The following PTPRD variants were observed in gnomAD, a reference collection of about 807,000 sequenced individuals.
The protein encoded by PTPRD is protein tyrosine phosphatase receptor type D.
A neutral mutation model predicts 214.5 loss-of-function variants in PTPRD; 34 were observed. The observed-to-expected ratio is 0.16, with a 90% CI of 0.12 to 0.21. The LOEUF (loss-of-function observed/expected upper bound fraction) is 0.21, where lower values mean the gene tolerates loss of function less well. PTPRD is among the 10% of genes least tolerant of loss of function. The pLI is 1.00. For missense variants in PTPRD, 2,545 were observed against 2,398.7 expected (o/e 1.06, Z -1.27); for synonymous variants, 1,128 against 845.7 (o/e 1.33, Z -5.79).
chr9:10,571,228 T>G (rs2067328192), intron 2 of PTPRD, among the ~76,000 whole-genome samples: 1 of 152,266 alleles, frequency 6.6e-6, no homozygotes, highest in Admixed American at 6.5e-5. Flanking sequence ...CAGATCATAC[T>G]TGGGTTTCAG....
chr9:9,880,054 C>T (rs1407948576), intron 5 of PTPRD, among the ~76,000 whole-genome samples: 1 of 152,102 alleles, frequency 6.6e-6, no homozygotes, highest in African/African-American at 2.4e-5. Flanking sequence ...AGGGGGGGAC[C>T]TATATCCCCA....
chr9:9,012,506 T>C (rs1057186897), intron 11 of PTPRD, among the ~76,000 whole-genome samples: 1 of 152,128 alleles, frequency 6.6e-6, no homozygotes, highest in Non-Finnish European at 1.5e-5. Context: ...AAGGGAGTTA[T>C]GTAGGCAAAT....
chr9:9,050,624 T>C (rs1489909648), intron 10 of PTPRD, among the ~76,000 whole-genome samples: 1 of 152,096 alleles, frequency 6.6e-6, no homozygotes, highest in Non-Finnish European at 1.5e-5. Context: ...CTGAGTAGAG[T>C]GATGAAATCT....
intron 2 of PTPRD, among the ~76,000 whole-genome samples, chr9:10,593,196 A>G (rs748242734): frequency 6.6e-6 from 1 of 151,944 alleles, no homozygotes; most frequent in Admixed American, 6.6e-5. Context: ...CTTAAACCAT[A>G]ATAGAAAACA....
At chr9:10,289,937 G>C (rs1461826390) in intron 3 of PTPRD, among the ~76,000 whole-genome samples, 1 of 151,988 alleles carries the variant, frequency 6.6e-6, no homozygotes, top group Non-Finnish European at 1.5e-5. Flanking sequence ...GGGTAAAAAG[G>C]GTTATAGTTA....
chr9:9,569,337 A>C (rs993446730), intron 8 of PTPRD, among the ~76,000 whole-genome samples: 4 of 151,772 alleles, frequency 2.6e-5, no homozygotes, highest in Non-Finnish European at 4.4e-5. Flanking sequence ...TTACTTTAAA[A>C]TATACATTTG....
At chr9:10,030,961 A>G (rs775410091) in intron 4 of PTPRD, among the ~76,000 whole-genome samples, 6 of 152,190 alleles carry the variant, frequency 3.9e-5, no homozygotes, top group Non-Finnish European at 7.3e-5. Flanking sequence ...ATAGTAGATA[A>G]CACAGATACC....
At chr9:8,359,023 G>T (rs1389564137) in intron 39 of PTPRD, among the ~76,000 whole-genome samples, 2 of 141,966 alleles carry the variant, frequency 1.4e-5, no homozygotes, top group Admixed American at 7.4e-5. Context: ...CAGGAGAATG[G>T]CGTGAACCTG....
chr9:10,492,841 G>A (rs1328348586), intron 2 of PTPRD, among the ~76,000 whole-genome samples: 1 of 151,860 alleles, frequency 6.6e-6, no homozygotes, highest in South Asian at 2.1e-4. Flanking sequence ...TTTTATGGCT[G>A]TAGGTCTTAC....
chr9:9,808,509 T>C (rs1483458729), intron 5 of PTPRD, among the ~76,000 whole-genome samples: 1 of 152,172 alleles, frequency 6.6e-6, no homozygotes. Context: ...AGGCTTTGTA[T>C]CTATTTTTCT....
chr9:8,934,484 T>TATTA (rs2098980652), intron 11 of PTPRD, among the ~76,000 whole-genome samples: 1 of 15,732 alleles, frequency 6.4e-5, no homozygotes, highest in Admixed American at 8.8e-4. Flanking sequence ...TATAAATATA[T>TATTA]ATATATATAA....
intron 2 of PTPRD, among the ~76,000 whole-genome samples, chr9:10,355,467 T>C (rs562306835): frequency 1.3e-5 from 2 of 151,746 alleles, no homozygotes. Context: ...AAAATACTGC[T>C]ATATTTCTTT....
chr9:8,562,565 T>C (rs1193292748), intron 14 of PTPRD, among the ~76,000 whole-genome samples: 1 of 152,056 alleles, frequency 6.6e-6, no homozygotes. Context: ...GCCTTCCAAG[T>C]AGGTGGGACT....
chr9:9,436,496 T>C (rs12339361), intron 8 of PTPRD, among the ~76,000 whole-genome samples: 8,095 of 152,260 alleles, frequency 0.053, 315 homozygotes, highest in Non-Finnish European at 0.085. Context: ...AATTTCATCC[T>C]TGATTTTTGG....
intron 5 of PTPRD, among the ~76,000 whole-genome samples, chr9:9,768,643 T>C (rs767359563): frequency 1.3e-5 from 2 of 152,200 alleles, no homozygotes; most frequent in Non-Finnish European, 2.9e-5. Context: ...TTATGTTCTA[T>C]GCTTACATGC....
intron 10 of PTPRD, among the ~76,000 whole-genome samples, chr9:9,054,988 C>G (rs556234919): frequency 6.6e-6 from 1 of 151,944 alleles, no homozygotes; most frequent in Admixed American, 6.6e-5. Context: ...CTACCAGTCA[C>G]AAAAATCTGA....
chr9:9,020,454 G>T (rs758078591), intron 10 of PTPRD, among the ~76,000 whole-genome samples: 1 of 152,130 alleles, frequency 6.6e-6, no homozygotes, highest in African/African-American at 2.4e-5. Flanking sequence ...ATGCTGGATT[G>T]ATTCATGATA....
At chr9:10,339,030 A>G (rs954677942) in intron 3 of PTPRD, among the ~76,000 whole-genome samples, 1 of 151,780 alleles carries the variant, frequency 6.6e-6, no homozygotes, top group African/African-American at 2.4e-5. Flanking sequence ...TTCAGCTGTC[A>G]TTACTTGCAA....
rs556241482 is a variant in PTPRD, at chr9:9,421,876, A to G, written c.-236-24394T>C. On this transcript the variant is annotated intron_variant, in intron 8 of 45. Transcript: ENST00000381196. ...TGATGAAATGATGCTCAGAGATAGT[A>G]TATTGATGGGAAATGAAAGTCTGAT... Among the ~76,000 whole-genome samples the G allele has an allele frequency of 2.6e-5, 4 of 152,078 alleles. No homozygotes were observed. The South Asian group carries it at 6.2e-4, about 24-fold the overall frequency.
Sources: allele counts gnomAD v4.1 joint callset (sites outside exome capture counted in the v4.1 genomes callset), GRCh38; gene constraint gnomAD v4.1.1; transcripts MANE v1.5; gene names NCBI Gene and HGNC (gene_info 2026-07-23, HGNC 2026-07-21).